The following SLC4A4 variants were observed in gnomAD, a reference collection of about 807,000 sequenced individuals.
SLC4A4 encodes the protein electrogenic sodium bicarbonate cotransporter 1.
SLC4A4 carries 27 observed loss-of-function variants against 111.5 expected under a neutral mutation model. That is an observed-to-expected ratio of 0.24 (90% CI 0.18 to 0.33). The LOEUF (loss-of-function observed/expected upper bound fraction) is 0.33. Among genes scored for constraint, SLC4A4 ranks in the 10% least tolerant of loss-of-function variants. The pLI, the probability that SLC4A4 is intolerant of heterozygous loss-of-function variation, is 1.00. For missense variants in SLC4A4, 909 were observed against 1,315.5 expected (o/e 0.69, Z 4.78); for synonymous variants, 443 against 463.4 (o/e 0.96, Z 0.57).
chr4:71,236,524 G>C, intron 1 of SLC4A4, 52 bp from the exon 2 acceptor site: 1 of 1,533,642 alleles, frequency 6.5e-7, no homozygotes, highest in East Asian at 2.3e-5. Context: ...GCTCCAAGTG[G>C]CTCGCTCCAG....
chr4:71,312,639 A>G (rs1451156039), intron 3 of SLC4A4, among the ~76,000 whole-genome samples: 1 of 152,218 alleles, frequency 6.6e-6, no homozygotes, highest in Non-Finnish European at 1.5e-5. Context: ...AATGAATGTA[A>G]TCCATCACAT....
intron 2 of SLC4A4, among the ~76,000 whole-genome samples, chr4:71,139,141 G>A (rs1412953209): frequency 6.6e-6 from 1 of 151,498 alleles, no homozygotes; most frequent in Non-Finnish European, 1.5e-5. Context: ...AAGGGTAATG[G>A]TGATTAATCA....
intron 2 of SLC4A4, among the ~76,000 whole-genome samples, chr4:71,238,723 A>T (rs528163230): frequency 1.3e-5 from 2 of 152,214 alleles, no homozygotes; most frequent in Non-Finnish European, 2.9e-5. Context: ...CCTTGAAATT[A>T]TAGTAATTGC....
intron 6 of SLC4A4, among the ~76,000 whole-genome samples, chr4:71,379,898 A>G (rs902282125): frequency 1.3e-5 from 2 of 151,962 alleles, no homozygotes; most frequent in Admixed American, 6.6e-5. Context: ...TTCCTCTTGC[A>G]TAGATTGGGG....
At chr4:71,360,007 G>A (rs1309250848) in intron 6 of SLC4A4, among the ~76,000 whole-genome samples, 1 of 150,764 alleles carries the variant, frequency 6.6e-6, no homozygotes, top group Non-Finnish European at 1.5e-5. Flanking sequence ...GGGAGAGCCA[G>A]TTGATATCAG....
At chr4:71,146,513 C>G (rs1744175917) in intron 2 of SLC4A4, among the ~76,000 whole-genome samples, 1 of 152,154 alleles carries the variant, frequency 6.6e-6, no homozygotes, top group Non-Finnish European at 1.5e-5. Context: ...TGTTAACTTT[C>G]TGTCTCGTTC....
Position 71,453,701 on chromosome 4 carries a change from T to C in SLC4A4, c.1497+32T>C, listed in dbSNP as rs769771363. 4 of 1,609,958 alleles carry C rather than the reference T, an allele frequency of 2.5e-6. No homozygotes were observed. In the East Asian group the frequency reaches 8.9e-5, roughly 36 times the overall value. On this transcript the variant is annotated intron_variant, in intron 12 of 25. Transcript: ENST00000264485. ...ATGGTTTTGAGGAGGACACAAATAGTACAGCCCAGATTGCCTTCCTCACCC... is the reference window on the plus strand; with the variant it reads ...ATGGTTTTGAGGAGGACACAAATAGCACAGCCCAGATTGCCTTCCTCACCC...
At chr4:71,416,133 C>T (rs1245774141) in intron 7 of SLC4A4, among the ~76,000 whole-genome samples, 1 of 152,172 alleles carries the variant, frequency 6.6e-6, no homozygotes, top group East Asian at 1.9e-4. Context: ...GCAAGCTTAG[C>T]ATGGTGAAGC....
chr4:71,299,464 C>T (rs186187251), intron 3 of SLC4A4, among the ~76,000 whole-genome samples: 5 of 152,300 alleles, frequency 3.3e-5, no homozygotes, highest in Non-Finnish European at 5.9e-5. Context: ...ACTGCTTGGC[C>T]TGGACAGGAC....
chr4:71,506,222 A>C (rs1731403939), intron 16 of SLC4A4, among the ~76,000 whole-genome samples: 1 of 152,142 alleles, frequency 6.6e-6, no homozygotes, highest in Non-Finnish European at 1.5e-5. Flanking sequence ...TTCTGTGAAG[A>C]ATATCAATAG....
At chr4:71,133,804 C>T (rs1743772904) in intron 2 of SLC4A4, among the ~76,000 whole-genome samples, 2 of 152,272 alleles carry the variant, frequency 1.3e-5, no homozygotes, top group South Asian at 4.2e-4. Context: ...AACTTGGCAC[C>T]CCCGTTGCTC....
intron 2 of SLC4A4, among the ~76,000 whole-genome samples, chr4:71,139,305 T>C (rs1304590541): frequency 3.0e-4 from 46 of 151,678 alleles, no homozygotes; most frequent in South Asian, 2.1e-4. Context: ...GAGGCTGAAA[T>C]CCTCCACTTT....
chr4:71,533,522 T>C (rs905448679), intron 17 of SLC4A4, among the ~76,000 whole-genome samples: 1 of 152,080 alleles, frequency 6.6e-6, no homozygotes, highest in Non-Finnish European at 1.5e-5. Flanking sequence ...AACCCTTTTT[T>C]TTCTGTAGTA....
chr4:71,086,312 G>A (rs182896097), intron 1 of SLC4A4, among the ~76,000 whole-genome samples: 22 of 151,536 alleles, frequency 1.5e-4, no homozygotes, highest in East Asian at 7.7e-4. Flanking sequence ...GGGCTAAGAC[G>A]ATGGGGTTTT....
intron 3 of SLC4A4, 65 bp downstream of exon 3, chr4:71,255,464 T>G (rs1247100503): frequency 1.3e-6 from 2 of 1,512,488 alleles, no homozygotes; most frequent in Non-Finnish European, 9.2e-7. Context: ...GAAGGACACC[T>G]TTTTGAATCT....
At chr4:71,358,186 C>T (rs947641603) in intron 6 of SLC4A4, among the ~76,000 whole-genome samples, 6 of 151,912 alleles carry the variant, frequency 3.9e-5, no homozygotes, top group South Asian at 2.1e-4. Flanking sequence ...TGTGGTGGCA[C>T]GCACCTTTGT....
intron 20 of SLC4A4, among the ~76,000 whole-genome samples, chr4:71,553,615 G>A (rs1307956817): frequency 7.0e-6 from 1 of 142,470 alleles, no homozygotes; most frequent in Non-Finnish European, 1.5e-5. Flanking sequence ...AATTGAAAAT[G>A]AAATGACAAG....
chr4:71,261,899 G>A (rs939767165), intron 3 of SLC4A4, among the ~76,000 whole-genome samples: 1 of 152,188 alleles, frequency 6.6e-6, no homozygotes, highest in African/African-American at 2.4e-5. Context: ...TACTCCACGT[G>A]CTGGGGTGCT....
At chr4:71,227,136 G>A (rs1719100182) in intron 1 of SLC4A4, among the ~76,000 whole-genome samples, 1 of 151,562 alleles carries the variant, frequency 6.6e-6, no homozygotes, top group Non-Finnish European at 1.5e-5. Context: ...GCTCAGGGAA[G>A]GGTATGTCTG....
Sources: gnomAD v4.1 joint callset for allele counts (sites outside exome capture counted in the v4.1 genomes callset) on GRCh38, gnomAD v4.1.1 for gene constraint, MANE v1.5 for transcripts, NCBI Gene and HGNC (gene_info 2026-07-23, HGNC 2026-07-21) for gene names.